ATP8A1: variants seen among roughly 807,000 people sequenced by gnomAD.
The protein encoded by ATP8A1 is ATPase phospholipid transporting 8A1, also known as phospholipid-transporting ATPase IA.
In ATP8A1, 90 loss-of-function variants were observed where a neutral mutation model predicts 177.7. The ratio of observed to expected loss-of-function variants is 0.51; its 90% confidence interval spans 0.43 to 0.60. The LOEUF is 0.60. ATP8A1 is among the 20% of genes least tolerant of loss of function. ATP8A1 has a pLI of 0.00. For missense variants in ATP8A1, 1,072 were observed against 1,392.8 expected, an observed-to-expected ratio of 0.77 and a Z score of 3.67; for synonymous variants, 493 against 485.9, an observed-to-expected ratio of 1.01 and a Z score of -0.19.
chr4:42,536,686 A>C (rs61529133), intron 20 of ATP8A1, among the ~76,000 whole-genome samples: 20,415 of 152,252 alleles, frequency 0.13, 1,702 homozygotes, highest in East Asian at 0.26. Flanking sequence ...CATACACACA[A>C]AAGTCCTCAA....
intron 25 of ATP8A1, among the ~76,000 whole-genome samples, chr4:42,482,888 T>G (rs1413038012): frequency 6.6e-6 from 1 of 152,112 alleles, no homozygotes; most frequent in African/African-American, 2.4e-5. Flanking sequence ...AGTTTAAATT[T>G]GAGAGAAAAG....
In ATP8A1 at chr4:42,556,006, T is replaced by G; in HGVS notation, c.1375A>C (p.Ser459Arg). 1 of 1,612,220 alleles carries G rather than the reference T, an allele frequency of 6.2e-7. No individual in the cohort carries two copies. ...NSQFGDEKTF[S>R]DSSLLENLQN... is the part of the protein sequence containing the mutation. ...AGATTTTCCAGCAATGATGAATCAC[T>G]AAATGTTTTTTCATCTCCAAACTGT... The change falls in exon 16 of 37, where the codon AGT becomes CGT. Residue 459 changes from serine (S) to arginine (R), a missense_variant. Physicochemically the swap from Ser to Arg is moderately radical, Grantham distance 110 (BLOSUM62 -1). Coordinates refer to ENST00000381668, the MANE Select transcript of ATP8A1 (RefSeq NM_006095.2).
chr4:42,595,808 TAAAC>T (rs1218372871), intron 6 of ATP8A1, among the ~76,000 whole-genome samples: 3 of 152,204 alleles, frequency 2.0e-5, no homozygotes, highest in Admixed American at 2.0e-4. Context: ...CAGTCAGACT[TAAAC>T]AAATCCCTAA....
At chr4:42,426,592 G>A (rs934551405) in intron 33 of ATP8A1, among the ~76,000 whole-genome samples, 1 of 152,174 alleles carries the variant, frequency 6.6e-6, no homozygotes, top group African/African-American at 2.4e-5. Flanking sequence ...ACTCAATAAT[G>A]TTTGTAAAGT....
intron 15 of ATP8A1, chr4:42,556,266 G>A (rs556805630): frequency 8.6e-6 from 3 of 346,908 alleles, no homozygotes; most frequent in Non-Finnish European, 1.6e-5. Flanking sequence ...ATGAAAAATA[G>A]TATTTTACAG....
chr4:42,583,790 T>C (rs1335941090), intron 9 of ATP8A1, among the ~76,000 whole-genome samples: 1 of 152,228 alleles, frequency 6.6e-6, no homozygotes, highest in African/African-American at 2.4e-5. Context: ...CAGCATATTA[T>C]ATAAATTCTC....
rs1012706412 is a variant in ATP8A1 at position 42,533,551 on chromosome 4, T to C, written c.1723-8704A>G. Reference sequence around the variant, plus strand: ...CATGCCTGACTCTGCCCCTAGCTGATAGTCTTTGTCTACCTGCCCTGGTAG... The same window carrying C: ...CATGCCTGACTCTGCCCCTAGCTGACAGTCTTTGTCTACCTGCCCTGGTAG... On this transcript the variant is annotated intron_variant, in intron 20 of 36. Transcript: ENST00000381668. Among the ~76,000 whole-genome samples, 6 of 152,240 alleles carry C rather than the reference T, an allele frequency of 3.9e-5. No homozygotes were observed. The East Asian group carries it at 7.7e-4, about 20-fold the overall frequency.
chr4:42,586,399 T>G lies in ATP8A1; in HGVS notation c.672A>C (p.Pro224=), dbSNP rs752435918. ...RISGRIECES[P]NRHLYDFVGN... The stretch of plus-strand genomic sequence containing the variant: ...CAACAAAATCGTAGAGATGTCTGTT[T>G]GGACTTTCACACTCAATTCTGCCAG... The change falls in exon 9 of 37, where the codon CCA becomes CCC. Residue 224 remains proline, a synonymous_variant. Transcript: ENST00000381668. The G allele has an allele frequency of 6.2e-7, 1 of 1,614,178 alleles. No homozygotes were observed. The highest frequency in any genetic ancestry group is 1.7e-5 in the Admixed American group (1 of 60,034).
chr4:42,532,577 C>T (rs919900019), intron 20 of ATP8A1, among the ~76,000 whole-genome samples: 1 of 152,090 alleles, frequency 6.6e-6, no homozygotes, highest in Non-Finnish European at 1.5e-5. Flanking sequence ...ACCATATTGC[C>T]CAAAGCAATC....
intron 27 of ATP8A1, among the ~76,000 whole-genome samples, chr4:42,460,758 T>C (rs1350730822): frequency 6.6e-6 from 1 of 152,158 alleles, no homozygotes; most frequent in South Asian, 2.1e-4. Context: ...GAAACAAACA[T>C]CTATCTGTAA....
chr4:42,506,882 G>T (rs1324837009), intron 23 of ATP8A1, 134 bp downstream of exon 23: 1 of 1,074,640 alleles, frequency 9.3e-7, no homozygotes, highest in Non-Finnish European at 1.3e-6. Context: ...AGATGCAATG[G>T]TGAAAAAAGA....
intron 25 of ATP8A1, among the ~76,000 whole-genome samples, chr4:42,483,734 A>G (rs1721926327): frequency 6.6e-6 from 1 of 152,100 alleles, no homozygotes; most frequent in African/African-American, 2.4e-5. Flanking sequence ...GAATGGTGGG[A>G]GGTACTGTGT....
At chr4:42,472,050 C>T (rs563697029) in intron 25 of ATP8A1, 15 of 720,202 alleles carry the variant, frequency 2.1e-5, no homozygotes, top group South Asian at 2.7e-5. Context: ...CTGGCTAGTA[C>T]GTGAATTGGA....
chr4:42,557,076 C>G (rs1420789857), intron 15 of ATP8A1, among the ~76,000 whole-genome samples: 2 of 152,150 alleles, frequency 1.3e-5, no homozygotes, highest in African/African-American at 4.8e-5. Context: ...TTCAATGAAA[C>G]ACATTTCTCC....
chr4:42,452,454 T>C (rs956641497), intron 29 of ATP8A1, among the ~76,000 whole-genome samples: 2 of 152,230 alleles, frequency 1.3e-5, no homozygotes, highest in Admixed American at 6.5e-5. Flanking sequence ...ATTCCCCACA[T>C]ATAACTGTAA....
At chr4:42,455,719 CTT>C (rs1201765345) in intron 27 of ATP8A1, 120 bp from the exon 28 acceptor site, 13 of 841,734 alleles carry the variant, frequency 1.5e-5, no homozygotes, top group Middle Eastern at 3.6e-4. Flanking sequence ...ACTCATGACT[CTT>C]TTGAAAATGA....
At chr4:42,452,093 G>C (rs374164428) in intron 29 of ATP8A1, 34 bp from the exon 30 acceptor site, 19 of 1,470,592 alleles carry the variant, frequency 1.3e-5, no homozygotes, top group Non-Finnish European at 1.5e-5. Flanking sequence ...AGAACCATTT[G>C]CGATAAACTA....
Position 42,549,132 on chromosome 4 carries a change from G to A in ATP8A1, c.1603-70C>T, listed in dbSNP as rs959654311. 3 of 1,315,350 alleles carry A rather than the reference G, an allele frequency of 2.3e-6. No homozygotes were observed. In the African/African-American group the frequency reaches 4.5e-5, roughly 20 times the overall value. 81.5% of individuals were successfully genotyped at this position (1,315,350 alleles called of 1,614,324 possible). On this transcript the variant is annotated intron_variant, in intron 18 of 36. Transcript: ENST00000381668. ...TTAAGCTTCTAGGAAATAAATCCTA[G>A]CCATAAAATTTTACTGTAAAAAATG...
At chr4:42,638,013 G>A (rs1739564135) in intron 1 of ATP8A1, among the ~76,000 whole-genome samples, 1 of 152,186 alleles carries the variant, frequency 6.6e-6, no homozygotes, top group South Asian at 2.1e-4. Context: ...ACAGGCACAA[G>A]GGTATGGGTA....
Sources: gnomAD v4.1 joint callset for allele counts (sites outside exome capture counted in the v4.1 genomes callset) on GRCh38, gnomAD v4.1.1 for gene constraint, MANE v1.5 for transcripts, NCBI Gene and HGNC (gene_info 2026-07-23, HGNC 2026-07-21) for gene names.